The following NOL4L variants were observed in gnomAD, a reference collection of about 807,000 sequenced individuals.
The protein encoded by NOL4L is nucleolar protein 4 like.
Under a neutral mutation model 64.5 loss-of-function variants are expected in NOL4L, and 7 were observed. The observed-to-expected ratio is 0.11, with a 90% confidence interval of 0.06 to 0.20. NOL4L has a LOEUF of 0.20. Ranked by LOEUF, NOL4L falls within the 10% of genes least tolerant of loss-of-function variation. The probability of loss-of-function intolerance (pLI) is 1.00; values close to 1 mark genes in which losing one functional copy is unlikely to be tolerated. For synonymous variants in NOL4L, 413 were observed against 401.0 expected (o/e 1.03, Z -0.36); for missense variants, 680 against 967.1 (o/e 0.70, Z 3.94).
chr20:32,500,426 T>C (rs1339885325), intron 4 of NOL4L, among the ~76,000 whole-genome samples: 1 of 150,428 alleles, frequency 6.6e-6, no homozygotes, highest in Non-Finnish European at 1.5e-5. Flanking sequence ...CAATCTCGGC[T>C]CATTGCAAGC....
At chr20:32,505,537 C>T (rs542051575) in intron 4 of NOL4L, among the ~76,000 whole-genome samples, 7 of 152,042 alleles carry the variant, frequency 4.6e-5, no homozygotes, top group South Asian at 2.1e-4. Context: ...GACAACATGG[C>T]GAAACCACAT....
intron 1 of NOL4L, among the ~76,000 whole-genome samples, chr20:32,583,631 G>A (rs1350837080): frequency 6.7e-6 from 1 of 149,608 alleles, no homozygotes; most frequent in African/African-American, 2.5e-5. Flanking sequence ...GCTCAGCAGC[G>A]CCCCGGGAGC....
chr20:32,462,057 C>T (rs1015881345), intron 5 of NOL4L, among the ~76,000 whole-genome samples: 1 of 152,048 alleles, frequency 6.6e-6, no homozygotes, highest in South Asian at 2.1e-4. Flanking sequence ...AAGCTGGGCC[C>T]GAGGACATCA....
intron 4 of NOL4L, among the ~76,000 whole-genome samples, chr20:32,496,450 T>C (rs2016690436): frequency 6.6e-6 from 1 of 152,194 alleles, no homozygotes; most frequent in East Asian, 1.9e-4. Flanking sequence ...GGGTACCTTA[T>C]CTGTCTCATT....
At position 32,503,371 on chromosome 20, in the gene NOL4L, A is replaced by G. The variant is rs73107804; in HGVS notation, c.699+7976T>C. 7.8e-3 allele frequency among the ~76,000 whole-genome samples: 1,181 copies of G among 152,338 alleles called. 9 individuals carry two copies. The highest frequency in any genetic ancestry group is 0.012 in the Non-Finnish European group (793 of 68,036). On this transcript the variant is annotated intron_variant, in intron 4 of 10. Transcript: ENST00000621426. ...GGTAATAGATGGAGCAAAGGAAAGA[A>G]GCCAGAAGCGGACAAGCAAGGCTGG...
At chr20:32,516,482 G>A (rs1338493175) in intron 3 of NOL4L, among the ~76,000 whole-genome samples, 1 of 152,156 alleles carries the variant, frequency 6.6e-6, no homozygotes, top group African/African-American at 2.4e-5. Context: ...AGGAAGAGCT[G>A]AGAGGGCCCC....
At chr20:32,489,891 A>G (rs1397729180) in intron 4 of NOL4L, among the ~76,000 whole-genome samples, 2 of 151,982 alleles carry the variant, frequency 1.3e-5, no homozygotes, top group East Asian at 3.9e-4. Context: ...CATTTTGCGA[A>G]GCCGAGGTGG....
At chr20:32,461,042 C>T (rs555487019) in intron 5 of NOL4L, among the ~76,000 whole-genome samples, 1 of 152,340 alleles carries the variant, frequency 6.6e-6, no homozygotes, top group South Asian at 2.1e-4. Flanking sequence ...ATCCCAGGGA[C>T]GGTGGGGCGA....
At chr20:32,574,789 A>C (rs183595055) in intron 1 of NOL4L, among the ~76,000 whole-genome samples, 32 of 96,034 alleles carry the variant, frequency 3.3e-4, no homozygotes, top group Middle Eastern at 8.4e-3. Flanking sequence ...GGCCTAAGTC[A>C]CGGGGTCCCC....
At chr20:32,531,659 T>C (rs1408705827) in intron 1 of NOL4L, among the ~76,000 whole-genome samples, 1 of 152,174 alleles carries the variant, frequency 6.6e-6, no homozygotes, top group Non-Finnish European at 1.5e-5. Flanking sequence ...GGCCTATTTT[T>C]ATACCTCTTG....
rs781410679 is a variant in NOL4L at position 32,445,296 on chromosome 20, G to A, written c.*2300C>T. 3 of 152,178 alleles carry A rather than the reference G, an allele frequency of 2.0e-5. No homozygotes were observed. The highest frequency in any genetic ancestry group is 4.4e-5 in the Non-Finnish European group (3 of 68,030). The allele number at this position is 152,178 out of a possible 1,614,324, so 9.4% of individuals were successfully genotyped here. A position where few individuals can be genotyped will look rare whatever the true frequency, so the allele number is the denominator to read the frequency against. On this transcript the variant is annotated 3_prime_UTR_variant, in exon 11 of 11. Transcript: ENST00000621426. The stretch of plus-strand genomic sequence containing the variant: ...ATGCTGATCTTTAGATCTAATCCTT[G>A]TGTGGGTAGGGGGAGGGAGCCCCTT...
intron 1 of NOL4L, among the ~76,000 whole-genome samples, chr20:32,528,265 G>C (rs928806862): frequency 2.0e-5 from 3 of 152,212 alleles, no homozygotes; most frequent in African/African-American, 7.2e-5. Context: ...CTCTGGGGAG[G>C]GGGGAGTGCT....
intron 1 of NOL4L, among the ~76,000 whole-genome samples, chr20:32,560,477 C>T (rs767690183): frequency 6.6e-6 from 1 of 152,214 alleles, no homozygotes; most frequent in Non-Finnish European, 1.5e-5. Flanking sequence ...GCATGCTACC[C>T]GCTGCCCCAA....
chr20:32,490,137 A>AG, intron 4 of NOL4L, among the ~76,000 whole-genome samples: 1 of 143,552 alleles, frequency 7.0e-6, no homozygotes, highest in African/African-American at 2.7e-5. Context: ...TCAAAAAAAA[A>AG]AAAAAAAATA....
chr20:32,488,748 T>TCCTTCCTTCCC (rs2016212755), intron 4 of NOL4L, among the ~76,000 whole-genome samples: 1 of 33,592 alleles, frequency 3.0e-5, no homozygotes, highest in East Asian at 2.4e-3. Flanking sequence ...TTTCTTTCTT[T>TCCTTCCTTCCC]TCCTTCCTTC....
In NOL4L at chr20:32,453,942, G is replaced by A. The variant is rs1438593262; in HGVS notation, c.1120-181C>T. ...TTCTGCTCCCTTCATCTGTGCAATGGGGACAGCAATGCTACCACCTCCCTC... is the reference window on the plus strand; with the variant it reads ...TTCTGCTCCCTTCATCTGTGCAATGAGGACAGCAATGCTACCACCTCCCTC... On this transcript the variant is annotated intron_variant, in intron 6 of 10. Transcript: ENST00000621426. This position sits in a 1 kb window ranked among gnomAD's most constrained non-coding sequence, Gnocchi z 5.6. 3.2e-6 allele frequency: 2 copies of A among 616,782 alleles called. No homozygotes were observed. Among genetic ancestry groups the A allele is most frequent in the Admixed American group, 5.8e-5 (2 of 34,376 alleles). 38.2% of individuals were successfully genotyped at this position (616,782 alleles called of 1,614,324 possible). A position where few individuals can be genotyped will look rare whatever the true frequency, so the allele number is the denominator to read the frequency against.
At chr20:32,480,700 G>A (rs1378863092) in intron 4 of NOL4L, among the ~76,000 whole-genome samples, 1 of 152,196 alleles carries the variant, frequency 6.6e-6, no homozygotes, top group Non-Finnish European at 1.5e-5. Context: ...AACCACTTCA[G>A]TTCATCAGAT....
At chr20:32,573,663 A>G in intron 1 of NOL4L, 1 of 218,314 alleles carries the variant, frequency 4.6e-6, no homozygotes, top group East Asian at 1.2e-4. Context: ...GAGGGGAAGT[A>G]ACTTACCCAA....
intron 1 of NOL4L, among the ~76,000 whole-genome samples, chr20:32,577,050 G>C (rs753177727): frequency 2.0e-5 from 3 of 152,236 alleles, no homozygotes; most frequent in African/African-American, 2.4e-5. Context: ...TTCACTGTGG[G>C]CCTTGAGGAG....
Sources: gnomAD v4.1 joint callset for allele counts (sites outside exome capture counted in the v4.1 genomes callset) on GRCh38, gnomAD v4.1.1 for gene constraint, Gnocchi (gnomAD v3.1) non-coding constraint, MANE v1.5 for transcripts, NCBI Gene and HGNC (gene_info 2026-07-23, HGNC 2026-07-21) for gene names.